LRP1B: variants seen among roughly 807,000 people sequenced by gnomAD.
The protein encoded by LRP1B is LDL receptor related protein 1B.
A neutral mutation model predicts 556.6 loss-of-function variants in LRP1B; 217 were observed. The ratio of observed to expected loss-of-function variants is 0.39; its 90% confidence interval spans 0.35 to 0.44. The LOEUF (loss-of-function observed/expected upper bound fraction) is 0.44, where lower values mean the gene tolerates loss of function less well. Ranked by LOEUF, LRP1B falls within the 20% of genes least tolerant of loss-of-function variation. The pLI, the probability that LRP1B is intolerant of heterozygous loss-of-function variation, is 1.00. For missense variants in LRP1B, 5,053 were observed against 5,620.8 expected, an observed-to-expected ratio of 0.90 and a Z score of 3.23; for synonymous variants, 2,047 against 1,865.8, an observed-to-expected ratio of 1.10 and a Z score of -2.50.
chr2:140,590,968 A>C (rs1558989318), intron 43 of LRP1B, among the ~76,000 whole-genome samples: 1 of 152,212 alleles, frequency 6.6e-6, no homozygotes, highest in Admixed American at 6.5e-5. Flanking sequence ...GAATTCATAG[A>C]CTTGCTGTAT....
intron 7 of LRP1B, among the ~76,000 whole-genome samples, chr2:141,080,736 G>A (rs1011132894): frequency 6.6e-6 from 1 of 152,132 alleles, no homozygotes; most frequent in African/African-American, 2.4e-5. Flanking sequence ...ACAGTAGTAC[G>A]CCCATATCCT....
At chr2:141,353,692 GT>G (rs1467958165) in intron 3 of LRP1B, among the ~76,000 whole-genome samples, 1 of 151,796 alleles carries the variant, frequency 6.6e-6, no homozygotes, top group Non-Finnish European at 1.5e-5. Flanking sequence ...ACAAGTTTTT[GT>G]TTAAGTCCTA....
intron 1 of LRP1B, among the ~76,000 whole-genome samples, chr2:141,890,123 T>C (rs943269260): frequency 6.6e-6 from 1 of 151,970 alleles, no homozygotes; most frequent in South Asian, 2.1e-4. Flanking sequence ...TATCTTATTT[T>C]AGATGTTAAC....
chr2:140,235,144 AAAG>A (rs1316915824), intron 89 of LRP1B, among the ~76,000 whole-genome samples: 1 of 151,176 alleles, frequency 6.6e-6, no homozygotes, highest in Non-Finnish European at 1.5e-5. Context: ...CAGAAAATAT[AAAG>A]AATAGTCCAA....
rs1681164945 is a variant in LRP1B at position 140,567,361 on chromosome 2, G to A, written c.7195-25390C>T. On this transcript the variant is annotated intron_variant, in intron 43 of 90. Coordinates refer to ENST00000389484, the MANE Select transcript of LRP1B (RefSeq NM_018557.3). Reference sequence around the variant, plus strand: ...ACCACTATCTGCTGACTTATTCCTTGGGAGCCAAGTTACCACTGAGACCTA... The same window carrying A: ...ACCACTATCTGCTGACTTATTCCTTAGGAGCCAAGTTACCACTGAGACCTA... Among the ~76,000 whole-genome samples, 4 of 152,220 alleles carry A rather than the reference G, an allele frequency of 2.6e-5. No homozygotes were observed. The South Asian group carries it at 8.3e-4, about 32-fold the overall frequency.
intron 3 of LRP1B, among the ~76,000 whole-genome samples, chr2:141,366,667 A>G (rs1689046386): frequency 6.6e-6 from 1 of 152,226 alleles, no homozygotes; most frequent in Non-Finnish European, 1.5e-5. Context: ...TCAGAAAATC[A>G]TGACAAATTT....
At chr2:140,422,205 C>T (rs543885494) in intron 66 of LRP1B, among the ~76,000 whole-genome samples, 1 of 152,200 alleles carries the variant, frequency 6.6e-6, no homozygotes, top group South Asian at 2.1e-4. Context: ...AAGAGATATT[C>T]GATCCTTTAA....
At chr2:141,704,340 G>T (rs112491638) in intron 2 of LRP1B, among the ~76,000 whole-genome samples, 1 of 151,854 alleles carries the variant, frequency 6.6e-6, no homozygotes, top group Admixed American at 6.6e-5. Context: ...TCTCATGTAA[G>T]GGTGGTTTAA....
At chr2:140,554,088 A>T (rs1054070968) in intron 43 of LRP1B, among the ~76,000 whole-genome samples, 4 of 151,930 alleles carry the variant, frequency 2.6e-5, no homozygotes, top group Non-Finnish European at 2.9e-5. Context: ...ATTATTTTTC[A>T]TTTTTCTTTG....
chr2:140,663,475 C>T (rs552302284), intron 41 of LRP1B, among the ~76,000 whole-genome samples: 24 of 152,322 alleles, frequency 1.6e-4, no homozygotes, highest in Non-Finnish European at 3.5e-4. Context: ...CTTCACCTTA[C>T]ACTTTTATTG....
chr2:140,711,472 C>T (rs1459542431), intron 37 of LRP1B, among the ~76,000 whole-genome samples: 1 of 152,046 alleles, frequency 6.6e-6, no homozygotes, highest in South Asian at 2.1e-4. Flanking sequence ...GCAGGCCTCA[C>T]CGCCTGATTG....
At chr2:140,295,235 A>G (rs1333827761) in intron 84 of LRP1B, among the ~76,000 whole-genome samples, 1 of 152,146 alleles carries the variant, frequency 6.6e-6, no homozygotes, top group East Asian at 1.9e-4. Context: ...GTATTTTCAT[A>G]TAAACTTCTG....
chr2:140,996,481 T>C (rs1697249581), intron 15 of LRP1B, among the ~76,000 whole-genome samples: 1 of 152,012 alleles, frequency 6.6e-6, no homozygotes, highest in African/African-American at 2.4e-5. Flanking sequence ...ATAATTAATT[T>C]TTACAAATTA....
chr2:141,147,395 C>T (rs1410286787), intron 7 of LRP1B, among the ~76,000 whole-genome samples: 3 of 152,100 alleles, frequency 2.0e-5, no homozygotes, highest in African/African-American at 7.2e-5. Context: ...TTTTCTTGTC[C>T]TTTATAGTCC....
intron 1 of LRP1B, among the ~76,000 whole-genome samples, chr2:142,029,501 C>A (rs372429205): frequency 6.6e-6 from 1 of 151,808 alleles, no homozygotes; most frequent in Non-Finnish European, 1.5e-5. Context: ...TACATTTACT[C>A]TCAAATTATT....
intron 3 of LRP1B, among the ~76,000 whole-genome samples, chr2:141,267,682 G>A (rs1158788366): frequency 6.6e-6 from 1 of 152,206 alleles, no homozygotes; most frequent in Middle Eastern, 3.4e-3. Context: ...ATTTACCAGA[G>A]GGACCTGAGA....
At chr2:141,169,600 T>C (rs1462803543) in intron 7 of LRP1B, among the ~76,000 whole-genome samples, 2 of 151,668 alleles carry the variant, frequency 1.3e-5, no homozygotes, top group African/African-American at 4.8e-5. Context: ...GAATTAAAGT[T>C]CCCGTGTAGT....
chr2:141,781,299 A>G (rs1021902653), intron 2 of LRP1B, among the ~76,000 whole-genome samples: 9 of 152,202 alleles, frequency 5.9e-5, no homozygotes, highest in African/African-American at 2.2e-4. Context: ...GCATGATGTT[A>G]TAGTTAAAAT....
intron 1 of LRP1B, among the ~76,000 whole-genome samples, chr2:141,908,556 G>A (rs1039365506): frequency 1.3e-5 from 2 of 151,976 alleles, no homozygotes; most frequent in Admixed American, 1.3e-4. Context: ...ATGACTAAAA[G>A]ATGTGAAAGG....
Sources: gnomAD v4.1 joint callset for allele counts (sites outside exome capture counted in the v4.1 genomes callset) on GRCh38, gnomAD v4.1.1 for gene constraint, MANE v1.5 for transcripts, NCBI Gene and HGNC (gene_info 2026-07-23, HGNC 2026-07-21) for gene names.